NCKAP5: variants seen among roughly 807,000 people sequenced by gnomAD.
NCKAP5 encodes NCK associated protein 5.
In NCKAP5, 92 loss-of-function variants were observed where a neutral mutation model predicts 167.0. The observed-to-expected ratio is 0.55, with a 90% CI of 0.47 to 0.66. The LOEUF (loss-of-function observed/expected upper bound fraction) is 0.66. Ranked by LOEUF, NCKAP5 falls within the 30% of genes least tolerant of loss-of-function variation. The pLI is 0.00. For missense variants in NCKAP5, 2,378 were observed against 2,315.0 expected, an observed-to-expected ratio of 1.03 and a Z score of -0.56; for synonymous variants, 891 against 877.4, an observed-to-expected ratio of 1.02 and a Z score of -0.27.
chr2:133,339,479 A>G (rs1162176324), intron 3 of NCKAP5, among the ~76,000 whole-genome samples: 1 of 152,170 alleles, frequency 6.6e-6, no homozygotes, highest in African/African-American at 2.4e-5. Flanking sequence ...GACATTTGAG[A>G]ATCTTTATGG....
intron 6 of NCKAP5, among the ~76,000 whole-genome samples, chr2:133,023,621 T>G (rs533216161): frequency 1.3e-5 from 2 of 152,330 alleles, no homozygotes; most frequent in Middle Eastern, 6.8e-3. Context: ...TCTAGTAGTT[T>G]CCAGGGTCTA....
At chr2:133,464,216 G>A (rs1399728094) in intron 3 of NCKAP5, among the ~76,000 whole-genome samples, 1 of 152,168 alleles carries the variant, frequency 6.6e-6, no homozygotes, top group Admixed American at 6.5e-5. Flanking sequence ...AGTATTCTAA[G>A]ATAATCTGTA....
intron 3 of NCKAP5, among the ~76,000 whole-genome samples, chr2:133,429,487 C>T (rs578017280): frequency 6.6e-6 from 1 of 152,022 alleles, no homozygotes; most frequent in African/African-American, 2.4e-5. Context: ...GCCTCCCTCC[C>T]TCCTTCAAGG....
chr2:133,138,894 C>G (rs771989488), intron 5 of NCKAP5, among the ~76,000 whole-genome samples: 17 of 152,146 alleles, frequency 1.1e-4, no homozygotes, highest in African/African-American at 2.9e-4. Context: ...GCTCCTACCC[C>G]CTGCATGAGC....
At chr2:133,110,113 A>G (rs1186132098) in intron 6 of NCKAP5, among the ~76,000 whole-genome samples, 1 of 152,190 alleles carries the variant, frequency 6.6e-6, no homozygotes, top group Non-Finnish European at 1.5e-5. Context: ...ATATGTCTAT[A>G]AGCCAGTCTA....
chr2:132,990,218 G>A (rs891685532), intron 7 of NCKAP5, among the ~76,000 whole-genome samples: 2 of 152,116 alleles, frequency 1.3e-5, no homozygotes, highest in Non-Finnish European at 2.9e-5. Context: ...GGAGAACAGT[G>A]GGTTTCATGA....
intron 3 of NCKAP5, among the ~76,000 whole-genome samples, chr2:133,317,522 G>A (rs371454042): frequency 3.3e-5 from 5 of 152,110 alleles, no homozygotes; most frequent in South Asian, 4.2e-4. Flanking sequence ...GTGTGGAGGC[G>A]TCACCAGGGC....
At chr2:132,889,240 C>A (rs1311114676) in intron 8 of NCKAP5, among the ~76,000 whole-genome samples, 1 of 152,132 alleles carries the variant, frequency 6.6e-6, no homozygotes, top group African/African-American at 2.4e-5. Context: ...CTGTGTCCTC[C>A]CCAAATTTCT....
At chr2:132,717,216 C>T (rs559379631) in intron 19 of NCKAP5, among the ~76,000 whole-genome samples, 6 of 152,208 alleles carry the variant, frequency 3.9e-5, no homozygotes, top group Admixed American at 3.3e-4. Flanking sequence ...CCATCCACTT[C>T]GAGCTGGGAT....
intron 8 of NCKAP5, among the ~76,000 whole-genome samples, chr2:132,951,875 T>C (rs1228167182): frequency 6.6e-6 from 1 of 152,220 alleles, no homozygotes; most frequent in African/African-American, 2.4e-5. Flanking sequence ...TTTTTATTCA[T>C]GACACTTCAG....
At chr2:133,041,887 T>C (rs2079229630) in intron 6 of NCKAP5, among the ~76,000 whole-genome samples, 1 of 152,212 alleles carries the variant, frequency 6.6e-6, no homozygotes, top group South Asian at 2.1e-4. Flanking sequence ...TGCTTAAATT[T>C]TGTTAGAATT....
chr2:132,782,353 C>G lies in NCKAP5; in HGVS notation c.4458G>C (p.Lys1486Asn), dbSNP rs752631631. Residue 1486 changes from lysine to asparagine, a missense_variant, in exon 14 of 20, where the codon AAG becomes AAC. Coordinates refer to ENST00000409261, the MANE Select transcript of NCKAP5 (RefSeq NM_207363.3). ...AGGTGGGCTTTGTTTGCACTTGGCC[C>G]TTTTCCACATTTTCCTGAATGCACA... ...VMLCIQENVE[K>N]GQVQTKPTSV... The G allele has an allele frequency of 6.2e-7, 1 of 1,614,038 alleles. No individual in the cohort carries two copies. The highest frequency in any genetic ancestry group is 8.5e-7 in the Non-Finnish European group (1 of 1,179,904).
chr2:132,849,997 C>T (rs1395378678), intron 11 of NCKAP5, among the ~76,000 whole-genome samples: 2 of 152,192 alleles, frequency 1.3e-5, no homozygotes, highest in African/African-American at 4.8e-5. Context: ...ACAGAATGTG[C>T]AACCTTGCAA....
chr2:132,854,807 G>C (rs555172914), intron 11 of NCKAP5, among the ~76,000 whole-genome samples: 52 of 152,324 alleles, frequency 3.4e-4, no homozygotes, highest in African/African-American at 1.3e-3. Flanking sequence ...ATCGAATGAA[G>C]AGGAGTGGCA....
chr2:132,782,842 G>A lies in NCKAP5; in HGVS notation c.3969C>T (p.Pro1323=), dbSNP rs1179427554. The A allele has an allele frequency of 1.2e-6, 2 of 1,613,828 alleles. No homozygotes were observed. Among genetic ancestry groups the A allele is most frequent in the African/African-American group, 1.3e-5 (1 of 74,908 alleles). ...ACATGGGAGCAGAAGGGGCCTTGTTGGGAGAGCTTTCCGTGGAAGAGTTCT... is the reference window on the plus strand; with the variant it reads ...ACATGGGAGCAGAAGGGGCCTTGTTAGGAGAGCTTTCCGTGGAAGAGTTCT... ...TRQNSSTESS[P]NKAPSAPMLE... is the part of the protein sequence containing the mutation. Residue 1323 remains proline, a synonymous_variant, in exon 14 of 20, where the codon CCC becomes CCT. Coordinates refer to ENST00000409261, the MANE Select transcript of NCKAP5 (RefSeq NM_207363.3).
At chr2:132,701,947 C>T (rs942930188) in intron 19 of NCKAP5, among the ~76,000 whole-genome samples, 1 of 152,098 alleles carries the variant, frequency 6.6e-6, no homozygotes, top group Non-Finnish European at 1.5e-5. Context: ...AATGAAGAAT[C>T]CATAATGACA....
At chr2:133,210,697 A>G (rs1388615360) in intron 5 of NCKAP5, among the ~76,000 whole-genome samples, 1 of 152,186 alleles carries the variant, frequency 6.6e-6, no homozygotes, top group Non-Finnish European at 1.5e-5. Context: ...CATATAATTA[A>G]ATAGAAAAGT....
chr2:132,783,144 G>C lies in NCKAP5; in HGVS notation c.3667C>G (p.Leu1223Val), dbSNP rs991065583. The change falls in exon 14 of 20, where the codon CTT (leucine) becomes GTT (valine). Residue 1223 changes from leucine to valine, a missense_variant. Coordinates refer to ENST00000409261, the MANE Select transcript of NCKAP5 (RefSeq NM_207363.3). ...SQAQGSLADG[L>V]PLETALQEPL... is the part of the protein sequence containing the mutation. ...TCTTGTAGTGCTGTTTCCAGGGGAAGCCCATCAGCTAAACTGCCCTGTGCT... is the reference window on the plus strand; with the variant it reads ...TCTTGTAGTGCTGTTTCCAGGGGAACCCCATCAGCTAAACTGCCCTGTGCT... The C allele has an allele frequency of 3.3e-5, 54 of 1,613,444 alleles. No individual in the cohort carries two copies. Among genetic ancestry groups the C allele is most frequent in the Non-Finnish European group, 4.2e-5 (49 of 1,179,708 alleles).
chr2:132,752,458 T>C (rs1265397643), intron 16 of NCKAP5, among the ~76,000 whole-genome samples: 3 of 152,218 alleles, frequency 2.0e-5, no homozygotes, highest in Non-Finnish European at 4.4e-5. Flanking sequence ...AGGGCCCCTG[T>C]ACCACTGTTT....
Sources: gnomAD v4.1 joint callset for allele counts (sites outside exome capture counted in the v4.1 genomes callset) on GRCh38, gnomAD v4.1.1 for gene constraint, MANE v1.5 for transcripts, NCBI Gene and HGNC (gene_info 2026-07-23, HGNC 2026-07-21) for gene names.